Variants in ANKS1B observed in about 807,000 individuals in gnomAD.
The protein encoded by ANKS1B is ankyrin repeat and sterile alpha motif domain containing 1B.
ANKS1B carries 36 observed loss-of-function variants against 148.3 expected under a neutral mutation model. That is an observed-to-expected ratio of 0.24 (90% confidence interval 0.19 to 0.32). ANKS1B has a LOEUF of 0.32. Ranked by LOEUF, ANKS1B falls within the 10% of genes least tolerant of loss-of-function variation. The pLI, the probability that ANKS1B is intolerant of heterozygous loss-of-function variation, is 1.00. For synonymous variants in ANKS1B, 542 were observed against 560.8 expected, an observed-to-expected ratio of 0.97 and a Z score of 0.47; for missense variants, 1,157 against 1,542.6, an observed-to-expected ratio of 0.75 and a Z score of 4.19.
intron 12 of ANKS1B, among the ~76,000 whole-genome samples, chr12:99,279,152 C>T (rs1438032551): frequency 6.6e-6 from 1 of 152,186 alleles, no homozygotes; most frequent in African/African-American, 2.4e-5. Context: ...CTCAGACTAT[C>T]CTCCTGCCTT....
intron 15 of ANKS1B, among the ~76,000 whole-genome samples, chr12:99,100,257 G>A (rs1273521782): frequency 2.0e-5 from 3 of 152,086 alleles, no homozygotes; most frequent in African/African-American, 7.2e-5. Context: ...AGTTCTAGAG[G>A]TTGCCTTAAA....
intron 10 of ANKS1B, among the ~76,000 whole-genome samples, chr12:99,466,103 G>A (rs1032485075): frequency 6.6e-6 from 1 of 152,134 alleles, no homozygotes; most frequent in African/African-American, 2.4e-5. Context: ...AGACCACAGT[G>A]CAATCAAACT....
At chr12:99,341,031 TC>T (rs2089830141) in intron 12 of ANKS1B, 1 of 152,132 alleles carries the variant, frequency 6.6e-6, no homozygotes, top group Admixed American at 6.6e-5. Flanking sequence ...TGAAACTGTC[TC>T]CTCAAGAAGT....
chr12:99,251,005 G>A (rs576152643), intron 12 of ANKS1B, among the ~76,000 whole-genome samples: 3 of 152,184 alleles, frequency 2.0e-5, no homozygotes, highest in South Asian at 2.1e-4. Context: ...GGTTCATAGA[G>A]GGCACCATCT....
chr12:99,325,122 C>CA (rs1814072162), intron 12 of ANKS1B, among the ~76,000 whole-genome samples: 1 of 151,828 alleles, frequency 6.6e-6, no homozygotes, highest in Non-Finnish European at 1.5e-5. Context: ...ATAGGGTCTT[C>CA]AAAAAATTCA....
chr12:99,324,628 A>G (rs1323279943), intron 12 of ANKS1B, among the ~76,000 whole-genome samples: 2 of 152,262 alleles, frequency 1.3e-5, no homozygotes, highest in East Asian at 3.9e-4. Context: ...TCACTTAGCC[A>G]GTTATGAACA....
chr12:99,234,757 G>A (rs1410925038), intron 14 of ANKS1B, among the ~76,000 whole-genome samples: 1 of 143,640 alleles, frequency 7.0e-6, no homozygotes, highest in Non-Finnish European at 1.5e-5. Context: ...ATTCATGTCT[G>A]TCTGACTTTT....
chr12:98,955,570 G>T (rs976582107), intron 17 of ANKS1B, among the ~76,000 whole-genome samples: 3 of 152,176 alleles, frequency 2.0e-5, no homozygotes, highest in African/African-American at 4.8e-5. Flanking sequence ...CTTAGACCAG[G>T]GAGGCAGCCG....
intron 9 of ANKS1B, among the ~76,000 whole-genome samples, chr12:99,593,198 G>A (rs995008741): frequency 6.6e-6 from 1 of 151,982 alleles, no homozygotes; most frequent in East Asian, 1.9e-4. Flanking sequence ...GTTAAATTTG[G>A]AGTGCCCTGG....
Position 99,055,725 on chromosome 12 carries a change from G to GC in ANKS1B, c.2626-2417_2626-2416insG, listed in dbSNP as rs1555196709. Among the ~76,000 whole-genome samples, 127 of 150,624 alleles carry GC rather than the reference G, an allele frequency of 8.4e-4. 1 individual carries two copies. Among genetic ancestry groups the GC allele is most frequent in the African/African-American group, 2.8e-3 (117 of 41,256 alleles). On this transcript the variant is annotated intron_variant, in intron 16 of 26. Transcript: ENST00000683438. ...CCCTTAGGGGAAGTCTAAACTTGGG[G>GC]GGGGGGGAGGTGGTGAGGAAAATAA...
At chr12:99,957,622 A>T (rs2153828846) in intron 1 of ANKS1B, among the ~76,000 whole-genome samples, 1 of 152,320 alleles carries the variant, frequency 6.6e-6, no homozygotes, top group Admixed American at 6.5e-5. Context: ...TATGTAGTCG[A>T]ATTACTTACC....
At chr12:99,402,298 T>C (rs2094424998) in intron 11 of ANKS1B, among the ~76,000 whole-genome samples, 1 of 146,276 alleles carries the variant, frequency 6.8e-6, no homozygotes, top group African/African-American at 2.6e-5. Context: ...TTTTATGAGA[T>C]GTTAAAGTGA....
At chr12:99,411,516 G>C (rs2094706581) in intron 11 of ANKS1B, among the ~76,000 whole-genome samples, 1 of 152,138 alleles carries the variant, frequency 6.6e-6, no homozygotes. Flanking sequence ...ATAAACATAT[G>C]AGTGCAGGTG....
chr12:99,678,498 C>T (rs1227360915), intron 8 of ANKS1B, among the ~76,000 whole-genome samples: 1 of 152,166 alleles, frequency 6.6e-6, no homozygotes, highest in Non-Finnish European at 1.5e-5. Context: ...GAACAAATGT[C>T]ACAGATTCCC....
intron 16 of ANKS1B, among the ~76,000 whole-genome samples, chr12:99,071,892 G>A (rs2046403196): frequency 6.6e-6 from 1 of 152,062 alleles, no homozygotes; most frequent in Non-Finnish European, 1.5e-5. Context: ...TGATCTGCCT[G>A]CCTCGGCCTC....
intron 10 of ANKS1B, among the ~76,000 whole-genome samples, chr12:99,453,250 A>C (rs1472593688): frequency 6.6e-6 from 1 of 152,108 alleles, no homozygotes; most frequent in Non-Finnish European, 1.5e-5. Context: ...AGATTGCACC[A>C]CTGCACTCCA....
intron 1 of ANKS1B, among the ~76,000 whole-genome samples, chr12:99,867,920 A>G (rs1285951151): frequency 1.3e-5 from 2 of 152,244 alleles, no homozygotes; most frequent in Admixed American, 6.5e-5. Flanking sequence ...ACACCTGAAC[A>G]AAATTTCAGC....
intron 2 of ANKS1B, among the ~76,000 whole-genome samples, chr12:99,824,923 C>A (rs550176419): frequency 2.0e-5 from 3 of 152,000 alleles, no homozygotes; most frequent in African/African-American, 7.2e-5. Flanking sequence ...GGGAGTCATG[C>A]TAAGTTTACA....
intron 12 of ANKS1B, among the ~76,000 whole-genome samples, chr12:99,384,800 T>C (rs1265334962): frequency 1.3e-5 from 2 of 152,234 alleles, no homozygotes; most frequent in African/African-American, 4.8e-5. Flanking sequence ...CATATTGTAC[T>C]TACTATAATA....
Sources: gnomAD v4.1 joint callset for allele counts (sites outside exome capture counted in the v4.1 genomes callset) on GRCh38, gnomAD v4.1.1 for gene constraint, MANE v1.5 for transcripts, NCBI Gene and HGNC (gene_info 2026-07-23, HGNC 2026-07-21) for gene names.